The following RORA variants were observed in gnomAD, a reference collection of about 807,000 sequenced individuals.
RORA encodes the protein nuclear receptor ROR-alpha.
In RORA, 7 loss-of-function variants were observed where a neutral mutation model predicts 69.5. That is an observed-to-expected ratio of 0.10 (90% CI 0.06 to 0.19). The LOEUF (loss-of-function observed/expected upper bound fraction) is 0.19, where lower values mean the gene tolerates loss of function less well. Ranked by LOEUF, RORA falls within the 10% of genes least tolerant of loss-of-function variation. The probability of loss-of-function intolerance (pLI) is 1.00; values close to 1 mark genes in which losing one functional copy is unlikely to be tolerated. For missense variants in RORA, 457 were observed against 663.0 expected (o/e 0.69, Z 3.41); for synonymous variants, 261 against 240.8 (o/e 1.08, Z -0.78).
chr15:60,747,666 G>T (rs1293160302), intron 1 of RORA, among the ~76,000 whole-genome samples: 1 of 152,106 alleles, frequency 6.6e-6, no homozygotes, highest in Non-Finnish European at 1.5e-5. Flanking sequence ...CACAAGGAGA[G>T]GCGGTTTTGA....
intron 7 of RORA, among the ~76,000 whole-genome samples, 164 bp downstream of exon 7, chr15:60,503,371 T>C (rs2065391085): frequency 6.6e-6 from 1 of 152,182 alleles, no homozygotes; most frequent in South Asian, 2.1e-4. Context: ...TTCCTGAATA[T>C]ATCTTAAAAC....
chr15:61,002,045 C>A (rs891707904), intron 1 of RORA, among the ~76,000 whole-genome samples: 2 of 152,202 alleles, frequency 1.3e-5, no homozygotes, highest in African/African-American at 4.8e-5. Flanking sequence ...AAATGAGCTC[C>A]TTTCTCTGCC....
intron 2 of RORA, among the ~76,000 whole-genome samples, chr15:60,628,302 T>C (rs1708167671): frequency 6.6e-6 from 1 of 152,212 alleles, no homozygotes; most frequent in South Asian, 2.1e-4. Flanking sequence ...AGCAGTGTTG[T>C]AGAATATCCC....
chr15:60,876,668 T>C (rs1289388572), intron 1 of RORA, among the ~76,000 whole-genome samples: 1 of 152,202 alleles, frequency 6.6e-6, no homozygotes, highest in Non-Finnish European at 1.5e-5. Context: ...CATTTCCAGG[T>C]AATTTTCAAA....
intron 1 of RORA, among the ~76,000 whole-genome samples, chr15:61,174,649 C>T (rs2079612509): frequency 6.6e-6 from 1 of 152,212 alleles, no homozygotes; most frequent in South Asian, 2.1e-4. Flanking sequence ...CGCTCTCATA[C>T]ATGAAATGGA....
At chr15:60,816,899 C>A (rs1287124554) in intron 1 of RORA, among the ~76,000 whole-genome samples, 1 of 152,036 alleles carries the variant, frequency 6.6e-6, no homozygotes, top group Non-Finnish European at 1.5e-5. Context: ...TATGTAGTCA[C>A]ATTTTCTGTT....
intron 1 of RORA, among the ~76,000 whole-genome samples, chr15:61,096,307 A>G (rs529075272): frequency 2.2e-4 from 34 of 152,286 alleles, no homozygotes; most frequent in African/African-American, 6.7e-4. Flanking sequence ...GTGCTCTGGT[A>G]TAAGTTCACA....
chr15:61,103,947 T>C (rs2078916466), intron 1 of RORA, among the ~76,000 whole-genome samples: 1 of 152,216 alleles, frequency 6.6e-6, no homozygotes, highest in Non-Finnish European at 1.5e-5. Context: ...TCCCCTCCCC[T>C]GATGTTCACA....
intron 2 of RORA, among the ~76,000 whole-genome samples, chr15:60,553,332 T>C (rs2067274091): frequency 6.6e-6 from 1 of 152,206 alleles, no homozygotes; most frequent in Non-Finnish European, 1.5e-5. Flanking sequence ...CTGGTTGAGA[T>C]GCACTGTGCT....
intron 1 of RORA, among the ~76,000 whole-genome samples, chr15:60,795,210 A>T (rs1343309272): frequency 6.6e-6 from 1 of 152,176 alleles, no homozygotes; most frequent in Non-Finnish European, 1.5e-5. Context: ...GGTGGTGGAG[A>T]CAGCCATAGA....
At chr15:61,062,432 A>G (rs1378470291) in intron 1 of RORA, among the ~76,000 whole-genome samples, 1 of 152,120 alleles carries the variant, frequency 6.6e-6, no homozygotes, top group Non-Finnish European at 1.5e-5. Flanking sequence ...TTGGAGAATG[A>G]GCAGAGCAGA....
At chr15:60,914,123 G>A (rs1041647098) in intron 1 of RORA, among the ~76,000 whole-genome samples, 7 of 152,204 alleles carry the variant, frequency 4.6e-5, no homozygotes, top group Admixed American at 3.9e-4. Context: ...CACGTTCAGA[G>A]CAAATATTTC....
At chr15:60,647,017 AG>A (rs1371273071) in intron 2 of RORA, among the ~76,000 whole-genome samples, 1 of 152,228 alleles carries the variant, frequency 6.6e-6, no homozygotes, top group African/African-American at 2.4e-5. Context: ...GACCTGGAAG[AG>A]GAGTCTAGCA....
At chr15:61,194,967 A>AT (rs1360123629) in intron 1 of RORA, among the ~76,000 whole-genome samples, 20 of 88,976 alleles carry the variant, frequency 2.2e-4, no homozygotes, top group African/African-American at 6.6e-4. Flanking sequence ...TAGCACCAGA[A>AT]CAAAAAAAAA....
intron 1 of RORA, among the ~76,000 whole-genome samples, chr15:61,020,998 G>A (rs1895494520): frequency 6.6e-6 from 1 of 152,236 alleles, no homozygotes; most frequent in Non-Finnish European, 1.5e-5. Flanking sequence ...TCTGGGGGCA[G>A]ATGGCTTTGT....
At chr15:60,960,378 G>A (rs905850139) in intron 1 of RORA, among the ~76,000 whole-genome samples, 1 of 152,154 alleles carries the variant, frequency 6.6e-6, no homozygotes, top group African/African-American at 2.4e-5. Flanking sequence ...TCAAAGGTGG[G>A]GGACTCTCTT....
intron 2 of RORA, among the ~76,000 whole-genome samples, chr15:60,648,850 A>T (rs993045102): frequency 5.3e-5 from 8 of 152,190 alleles, no homozygotes; most frequent in African/African-American, 1.9e-4. Context: ...AGTGTGTCTT[A>T]TACTGAATAT....
chr15:60,944,508 G>A (rs1892802692), intron 1 of RORA, among the ~76,000 whole-genome samples: 1 of 152,082 alleles, frequency 6.6e-6, no homozygotes, highest in Non-Finnish European at 1.5e-5. Flanking sequence ...CCTGAGCTCA[G>A]GAGTTCAAGA....
chr15:60,688,578 T>C (rs1195690789), intron 1 of RORA, among the ~76,000 whole-genome samples: 1 of 152,224 alleles, frequency 6.6e-6, no homozygotes, highest in Non-Finnish European at 1.5e-5. Flanking sequence ...TGCATTATCC[T>C]TTCTAGAGAA....
Sources: allele counts gnomAD v4.1 joint callset (sites outside exome capture counted in the v4.1 genomes callset), GRCh38; gene constraint gnomAD v4.1.1; transcripts MANE v1.5; gene names NCBI Gene and HGNC (gene_info 2026-07-23, HGNC 2026-07-21).